Variants in ARHGAP26 observed in about 807,000 individuals in gnomAD.
ARHGAP26 encodes the protein Rho GTPase activating protein 26.
ARHGAP26 carries 38 observed loss-of-function variants against 104.8 expected under a neutral mutation model. The ratio of observed to expected loss-of-function variants is 0.36; its 90% CI spans 0.28 to 0.48. The LOEUF is 0.48. Ranked by LOEUF, ARHGAP26 falls within the 20% of genes least tolerant of loss-of-function variation. The pLI is 0.99. For missense variants in ARHGAP26, 704 were observed against 947.9 expected (o/e 0.74, Z 3.38); for synonymous variants, 341 against 340.0 (o/e 1.00, Z -0.03).
intron 20 of ARHGAP26, among the ~76,000 whole-genome samples, chr5:143,201,270 G>C (rs186876205): frequency 2.1e-4 from 32 of 152,302 alleles, no homozygotes; most frequent in Non-Finnish European, 4.1e-4. Context: ...GAATATTTAG[G>C]GGCACTGGGC....
intron 1 of ARHGAP26, among the ~76,000 whole-genome samples, chr5:142,870,911 A>G (rs1294926381): frequency 1.3e-5 from 2 of 152,218 alleles, no homozygotes; most frequent in Non-Finnish European, 2.9e-5. Context: ...CAAGCTTGAG[A>G]TGCTGTCCCA....
intron 1 of ARHGAP26, among the ~76,000 whole-genome samples, chr5:142,846,380 C>T (rs1450598647): frequency 6.6e-6 from 1 of 152,162 alleles, no homozygotes; most frequent in Non-Finnish European, 1.5e-5. Context: ...TGCCACCTTT[C>T]GTGCCTGTCT....
At chr5:143,167,848 G>T (rs1802223430) in intron 20 of ARHGAP26, among the ~76,000 whole-genome samples, 1 of 152,146 alleles carries the variant, frequency 6.6e-6, no homozygotes, top group South Asian at 2.1e-4. Flanking sequence ...AGCATTTTTT[G>T]AGCTTTTTTT....
chr5:142,969,145 G>T (rs893122154), intron 11 of ARHGAP26, among the ~76,000 whole-genome samples: 2 of 152,022 alleles, frequency 1.3e-5, no homozygotes, highest in Non-Finnish European at 2.9e-5. Flanking sequence ...CTTGCCATGT[G>T]GCCCAGGCTT....
At chr5:143,220,897 A>G (rs1562638616) in intron 22 of ARHGAP26, among the ~76,000 whole-genome samples, 5 of 152,180 alleles carry the variant, frequency 3.3e-5, no homozygotes, top group Non-Finnish European at 7.3e-5. Context: ...GTCTTTCCCT[A>G]CAAACTGAAA....
chr5:143,062,519 GTTTTT>G (rs57175122), intron 17 of ARHGAP26, among the ~76,000 whole-genome samples: 1 of 124,042 alleles, frequency 8.1e-6, no homozygotes. Context: ...TGTAGCTTGG[GTTTTT>G]TTTTTTTTTT....
At chr5:142,821,897 G>C (rs533683555) in intron 1 of ARHGAP26, among the ~76,000 whole-genome samples, 1 of 152,294 alleles carries the variant, frequency 6.6e-6, no homozygotes, top group Non-Finnish European at 1.5e-5. Flanking sequence ...GTCAGATCTA[G>C]ATAAAGGAAT....
intron 19 of ARHGAP26, among the ~76,000 whole-genome samples, chr5:143,136,533 G>A (rs1439579020): frequency 6.6e-6 from 1 of 152,202 alleles, no homozygotes; most frequent in Non-Finnish European, 1.5e-5. Flanking sequence ...TTATATGGGT[G>A]TCTGTGTGTA....
At chr5:143,214,972 C>T (rs949340820) in intron 22 of ARHGAP26, among the ~76,000 whole-genome samples, 3 of 152,242 alleles carry the variant, frequency 2.0e-5, no homozygotes, top group African/African-American at 7.2e-5. Flanking sequence ...CCAGCCCAGC[C>T]ACCTCTCCTG....
intron 17 of ARHGAP26, among the ~76,000 whole-genome samples, chr5:143,086,087 C>T (rs1333279010): frequency 6.6e-6 from 1 of 152,100 alleles, no homozygotes; most frequent in Non-Finnish European, 1.5e-5. Flanking sequence ...CTAATGGTGG[C>T]TTCTATCACC....
chr5:143,022,247 A>G (rs1422510823), intron 12 of ARHGAP26, among the ~76,000 whole-genome samples: 1 of 151,604 alleles, frequency 6.6e-6, no homozygotes, highest in Non-Finnish European at 1.5e-5. Context: ...AATTTTTTTT[A>G]TTTTTAGTAG....
At chr5:142,963,219 T>TGTGTGTGC (rs753184861) in intron 11 of ARHGAP26, among the ~76,000 whole-genome samples, 2 of 127,964 alleles carry the variant, frequency 1.6e-5, no homozygotes, top group African/African-American at 7.2e-5. Context: ...TGTGTGTGTG[T>TGTGTGTGC]GCGCGTGTGT....
chr5:143,029,392 G>GTTTTTTTTT (rs536919888), intron 12 of ARHGAP26, among the ~76,000 whole-genome samples: 1 of 80,812 alleles, frequency 1.2e-5, no homozygotes, highest in Non-Finnish European at 2.5e-5. Flanking sequence ...TTACTTCTCA[G>GTTTTTTTTT]TTTTTTTTTT....
intron 13 of ARHGAP26, among the ~76,000 whole-genome samples, chr5:143,038,252 T>C (rs889198094): frequency 6.6e-6 from 1 of 152,210 alleles, no homozygotes; most frequent in South Asian, 2.1e-4. Flanking sequence ...ATATACACTT[T>C]TTTTTCCATA....
intron 1 of ARHGAP26, among the ~76,000 whole-genome samples, chr5:142,792,688 C>T (rs1338903656): frequency 3.9e-5 from 6 of 152,116 alleles, no homozygotes; most frequent in Non-Finnish European, 2.9e-5. Flanking sequence ...GAGAGCACCC[C>T]GGCTGTGCTT....
chr5:143,085,320 A>G (rs1234628504), intron 17 of ARHGAP26, among the ~76,000 whole-genome samples: 2 of 152,114 alleles, frequency 1.3e-5, no homozygotes, highest in African/African-American at 4.8e-5. Context: ...TCATATACAT[A>G]TGTGATGAAA....
intron 11 of ARHGAP26, among the ~76,000 whole-genome samples, chr5:142,950,266 T>G (rs968999392): frequency 6.6e-6 from 1 of 152,128 alleles, no homozygotes; most frequent in Non-Finnish European, 1.5e-5. Context: ...CACATGCATT[T>G]GAGGGATGTC....
intron 18 of ARHGAP26, among the ~76,000 whole-genome samples, chr5:143,132,438 T>A (rs1797458930): frequency 6.6e-6 from 1 of 151,562 alleles, no homozygotes; most frequent in Admixed American, 6.6e-5. Context: ...GGAGACCAAC[T>A]TCAAAGAATA....
chr5:143,082,943 T>C (rs1790026375), intron 17 of ARHGAP26, among the ~76,000 whole-genome samples: 1 of 152,212 alleles, frequency 6.6e-6, no homozygotes, highest in Non-Finnish European at 1.5e-5. Flanking sequence ...ATTTTTATTT[T>C]GGTATTCATA....
Sources: gnomAD v4.1 joint callset for allele counts (sites outside exome capture counted in the v4.1 genomes callset) on GRCh38, gnomAD v4.1.1 for gene constraint, MANE v1.5 for transcripts, NCBI Gene and HGNC (gene_info 2026-07-23, HGNC 2026-07-21) for gene names.